STXBP5: variants seen among roughly 807,000 people sequenced by gnomAD.
STXBP5 encodes the protein syntaxin binding protein 5, also known as syntaxin-binding protein 5.
A neutral mutation model predicts 152.4 loss-of-function variants in STXBP5; 50 were observed. That is an observed-to-expected ratio of 0.33 (90% CI 0.26 to 0.42). The LOEUF (loss-of-function observed/expected upper bound fraction) is 0.42. Among genes scored for constraint, STXBP5 ranks in the 10% least tolerant of loss-of-function variants. The pLI is 1.00. For missense variants in STXBP5, 1,167 were observed against 1,388.6 expected, an observed-to-expected ratio of 0.84 and a Z score of 2.54; for synonymous variants, 492 against 494.7, an observed-to-expected ratio of 0.99 and a Z score of 0.07.
intron 2 of STXBP5, among the ~76,000 whole-genome samples, chr6:147,225,979 T>G (rs1777689763): frequency 1.3e-5 from 2 of 152,148 alleles, no homozygotes; most frequent in Non-Finnish European, 2.9e-5. Context: ...GTTGTATACT[T>G]TTTATTGGTT....
chr6:147,304,532 C>A (rs1398019324), intron 9 of STXBP5, among the ~76,000 whole-genome samples: 1 of 152,072 alleles, frequency 6.6e-6, no homozygotes, highest in Non-Finnish European at 1.5e-5. Context: ...CACACAGAGT[C>A]CCCAGTGGAA....
intron 2 of STXBP5, among the ~76,000 whole-genome samples, chr6:147,219,799 GTTTTTTTTTTTTTT>G (rs35444906): frequency 1.2e-5 from 1 of 86,104 alleles, no homozygotes; most frequent in Non-Finnish European, 2.3e-5. Flanking sequence ...CTAGAAGCTT[GTTTTTTTTTTTTTT>G]TTTTTTTGAA....
intron 9 of STXBP5, among the ~76,000 whole-genome samples, chr6:147,303,027 C>A (rs536775208): frequency 6.6e-6 from 1 of 151,988 alleles, no homozygotes; most frequent in Non-Finnish European, 1.5e-5. Flanking sequence ...AGAGGTTTTC[C>A]GTGGCTCTCG....
chr6:147,239,082 GGGAA>G, intron 3 of STXBP5, 84 bp from the exon 4 acceptor site: 1 of 1,183,576 alleles, frequency 8.4e-7, no homozygotes, highest in Non-Finnish European at 1.2e-6. Flanking sequence ...TTTGAAATTT[GGGAA>G]GGAGATATTT....
chr6:147,330,562 G>A (rs1240509994), intron 18 of STXBP5, among the ~76,000 whole-genome samples: 1 of 152,132 alleles, frequency 6.6e-6, no homozygotes, highest in South Asian at 2.1e-4. Context: ...TAATTAGTCA[G>A]AATTCTAGAA....
intron 19 of STXBP5, among the ~76,000 whole-genome samples, chr6:147,335,573 G>T (rs1022563120): frequency 6.6e-6 from 1 of 152,062 alleles, no homozygotes; most frequent in African/African-American, 2.4e-5. Flanking sequence ...TCAAAAAGTG[G>T]ATACATCTAG....
intron 8 of STXBP5, among the ~76,000 whole-genome samples, chr6:147,286,494 T>G (rs1005958261): frequency 1.3e-5 from 2 of 152,220 alleles, no homozygotes; most frequent in Non-Finnish European, 2.9e-5. Flanking sequence ...TTGTACACTT[T>G]AAGTAGTGTA....
rs375656750 is a variant in STXBP5 at position 147,231,192 on chromosome 6, GT to G, written c.249-4049del. On this transcript the variant is annotated intron_variant, in intron 2 of 27. Transcript: ENST00000321680. The stretch of plus-strand genomic sequence containing the variant: ...ATTCATTAACTGCTAGTTTTATCAT[GT>G]TTTTTTTTCCTGTGATTATTTCTTT... 3.1e-3 allele frequency among the ~76,000 whole-genome samples: 471 copies of G among 150,776 alleles called. 2 individuals carry two copies. Among genetic ancestry groups the G allele is most frequent in the African/African-American group, 0.011 (445 of 41,206 alleles).
intron 26 of STXBP5, among the ~76,000 whole-genome samples, chr6:147,378,431 C>G (rs930504190): frequency 6.9e-6 from 1 of 144,772 alleles, no homozygotes; most frequent in Non-Finnish European, 1.5e-5. Flanking sequence ...AAAAAAAATT[C>G]TTATCCGTTC....
At chr6:147,256,504 T>C (rs1175240801) in intron 4 of STXBP5, among the ~76,000 whole-genome samples, 1 of 152,120 alleles carries the variant, frequency 6.6e-6, no homozygotes, top group Admixed American at 6.5e-5. Flanking sequence ...TTCCCAGATA[T>C]AGGTACCACA....
chr6:147,314,659 A>G (rs781357191), intron 14 of STXBP5, 23 bp downstream of exon 14: 1 of 1,582,216 alleles, frequency 6.3e-7, no homozygotes, highest in Non-Finnish European at 8.6e-7. Context: ...AATATTCATT[A>G]TTTGTTATAT....
chr6:147,382,967 G>A lies in STXBP5; in HGVS notation c.3383G>A (p.Ser1128Asn), dbSNP rs1435507851. ...GAAAGAACTGCGGCCATGTTATCAA[G>A]TGCAGAGTCATTTTCTAAACATGCT... ...LEERTAAMLSSAESFSKHAHE... is the reference protein window; with the variant it reads ...LEERTAAMLSNAESFSKHAHE... The change falls in exon 27 of 28, where the codon AGT (serine) becomes AAT (asparagine). Residue 1128 changes from serine to asparagine, a missense_variant. Coordinates refer to ENST00000321680, the MANE Select transcript of STXBP5 (RefSeq NM_001127715.4). 2 of 1,613,270 alleles carry A rather than the reference G, an allele frequency of 1.2e-6. No homozygotes were observed. The highest frequency in any genetic ancestry group is 2.7e-5 in the African/African-American group (2 of 74,858).
intron 8 of STXBP5, among the ~76,000 whole-genome samples, chr6:147,285,966 T>C (rs1281524393): frequency 6.6e-6 from 1 of 152,166 alleles, no homozygotes; most frequent in Non-Finnish European, 1.5e-5. Flanking sequence ...ACTAGAACTC[T>C]GCATGGTAGA....
rs560394004 is a variant in STXBP5, at chr6:147,360,757, A to G, written c.2545+1434A>G. Reference sequence around the variant, plus strand: ...CTAGACTTCATATTTTGAAAATGAGATTGGATTTTGTCAAATGTTTGTGGA... The same window carrying G: ...CTAGACTTCATATTTTGAAAATGAGGTTGGATTTTGTCAAATGTTTGTGGA... On this transcript the variant is annotated intron_variant, in intron 23 of 27. Coordinates refer to ENST00000321680, the MANE Select transcript of STXBP5 (RefSeq NM_001127715.4). 7.4e-4 allele frequency among the ~76,000 whole-genome samples: 112 copies of G among 152,230 alleles called. 2 individuals carry two copies. Among genetic ancestry groups the G allele is most frequent in the African/African-American group, 2.6e-3 (110 of 41,546 alleles).
At chr6:147,284,654 G>A (rs910688097) in intron 8 of STXBP5, among the ~76,000 whole-genome samples, 2 of 152,164 alleles carry the variant, frequency 1.3e-5, no homozygotes, top group African/African-American at 4.8e-5. Context: ...GTAGCAAAGA[G>A]CAGGGCAAAG....
In STXBP5 at chr6:147,386,091, G is replaced by A. The variant is rs968176293; in HGVS notation, c.*1336G>A. The stretch of plus-strand genomic sequence containing the variant: ...TGATTGTTTCATAGAATAGCATTAC[G>A]GGCAGGAAAGAAACCACCTAGTAGA... On this transcript the variant is annotated 3_prime_UTR_variant, in exon 28 of 28. Transcript: ENST00000321680. The A allele has an allele frequency of 6.6e-6, 1 of 151,916 alleles. No homozygotes were observed. The highest frequency in any genetic ancestry group is 1.5e-5 in the Non-Finnish European group (1 of 67,926). 9.4% of individuals were successfully genotyped at this position (151,916 alleles called of 1,614,324 possible).
rs1002158740 is a variant in STXBP5, at chr6:147,278,300, G to A, written c.838+96G>A. ...TCTGATTTGTTTGTTTGATTTTTAG[G>A]ATAAGGATGGGTTTCCTTCTGTTTT... On this transcript the variant is annotated intron_variant, in intron 8 of 27. Coordinates refer to ENST00000321680, the MANE Select transcript of STXBP5 (RefSeq NM_001127715.4). 4 of 1,229,090 alleles carry A rather than the reference G, an allele frequency of 3.3e-6. No homozygotes were observed. The African/African-American group carries it at 4.6e-5, about 14-fold the overall frequency. The allele number at this position is 1,229,090 out of a possible 1,614,324, so 76.1% of individuals were successfully genotyped here. A position where few individuals can be genotyped will look rare whatever the true frequency, so the allele number is the denominator to read the frequency against.
chr6:147,315,864 T>C, intron 15 of STXBP5, 129 bp downstream of exon 15: 1 of 742,712 alleles, frequency 1.3e-6, no homozygotes, highest in Non-Finnish European at 2.2e-6. Context: ...GTATTTATAT[T>C]ATTATCTCTC....
intron 19 of STXBP5, among the ~76,000 whole-genome samples, chr6:147,338,461 A>G (rs1783937332): frequency 6.6e-6 from 1 of 151,994 alleles, no homozygotes. Flanking sequence ...TTGAGATCAC[A>G]TTTATAATAA....
Sources: allele counts gnomAD v4.1 joint callset (sites outside exome capture counted in the v4.1 genomes callset), GRCh38; gene constraint gnomAD v4.1.1; transcripts MANE v1.5; gene names NCBI Gene and HGNC (gene_info 2026-07-23, HGNC 2026-07-21).